Variants in ATP10B observed in about 807,000 individuals in gnomAD.
The protein encoded by ATP10B is ATPase phospholipid transporting 10B (putative).
Under a neutral mutation model 141.2 loss-of-function variants are expected in ATP10B, and 122 were observed. The ratio of observed to expected loss-of-function variants is 0.86; its 90% confidence interval spans 0.75 to 1.00. ATP10B has a LOEUF of 1.00. Ranked by LOEUF, ATP10B falls within the 50% of genes least tolerant of loss-of-function variation. The probability of loss-of-function intolerance (pLI) is 0.00; values close to 1 mark genes in which losing one functional copy is unlikely to be tolerated. For synonymous variants in ATP10B, 685 were observed against 692.0 expected (o/e 0.99, Z 0.16); for missense variants, 1,876 against 1,825.3 (o/e 1.03, Z -0.51).
chr5:160,842,539 T>C (rs1775871559), intron 1 of ATP10B, among the ~76,000 whole-genome samples: 1 of 151,554 alleles, frequency 6.6e-6, no homozygotes, highest in Admixed American at 6.6e-5. Context: ...AGCTAACTGA[T>C]AAAACAGAAA....
chr5:160,572,614 T>G (rs1381870244), intron 24 of ATP10B, among the ~76,000 whole-genome samples: 1 of 152,216 alleles, frequency 6.6e-6, no homozygotes, highest in Non-Finnish European at 1.5e-5. Flanking sequence ...ACAGAATCTT[T>G]AGTCTCACCA....
chr5:160,687,669 G>T, intron 5 of ATP10B, 131 bp downstream of exon 5: 1 of 1,073,054 alleles, frequency 9.3e-7, no homozygotes, highest in Admixed American at 2.7e-5. Flanking sequence ...GGAGGCTGAG[G>T]TGGGAGATTC....
At chr5:160,909,016 C>T in the ATP10B span, among the ~76,000 whole-genome samples, 11 of 152,154 alleles carry the variant, frequency 7.2e-5, no homozygotes, top group Middle Eastern at 3.4e-3. Flanking sequence ...GTGCCAGGTA[C>T]GGTGCGAGGC....
At chr5:160,816,752 A>T (rs183931283) in intron 1 of ATP10B, among the ~76,000 whole-genome samples, 63 of 152,360 alleles carry the variant, frequency 4.1e-4, no homozygotes, top group Non-Finnish European at 7.8e-4. Flanking sequence ...AAAAATCCTC[A>T]ATAAAATACT....
At chr5:160,636,368 A>G (rs1472435775) in intron 10 of ATP10B, 59 bp from the exon 11 acceptor site, 2 of 1,564,932 alleles carry the variant, frequency 1.3e-6, no homozygotes, top group East Asian at 2.3e-5. Context: ...AAAGTTGGTC[A>G]ATTATACCAG....
intron 3 of ATP10B, among the ~76,000 whole-genome samples, chr5:160,694,373 TAAAA>T (rs1195790712): frequency 2.0e-5 from 3 of 152,188 alleles, no homozygotes; most frequent in Non-Finnish European, 2.9e-5. Flanking sequence ...CACCTCCCAC[TAAAA>T]ATAACTTGAG....
At position 160,607,087 on chromosome 5, in the gene ATP10B, C is replaced by T; in HGVS notation, c.2839-1G>A. 1 of 1,608,972 alleles carries T rather than the reference C, an allele frequency of 6.2e-7. No individual in the cohort carries two copies. Among genetic ancestry groups the T allele is most frequent in the Admixed American group, 1.7e-5 (1 of 59,702 alleles). On this transcript the variant is annotated splice_acceptor_variant, in intron 18 of 25. Coordinates refer to ENST00000327245, the MANE Select transcript of ATP10B (RefSeq NM_025153.3). LOFTEE classifies it high-confidence loss of function. ...AATTGAGGATGGATTCACAGGTCTC[C>T]TATAAAGAAGCATAATAATACAGTA... is the stretch of plus-strand genomic sequence containing the variant.
intron 22 of ATP10B, among the ~76,000 whole-genome samples, chr5:160,594,175 C>T (rs1348613878): frequency 2.6e-5 from 4 of 152,206 alleles, no homozygotes; most frequent in Non-Finnish European, 5.9e-5. Flanking sequence ...GCCCATCAGA[C>T]TAACAGCTGA....
At chr5:160,889,821 C>T in the ATP10B span, among the ~76,000 whole-genome samples, 1 of 152,276 alleles carries the variant, frequency 6.6e-6, no homozygotes. Flanking sequence ...CCTTTCCTGG[C>T]AGCCTCATCT....
chr5:160,922,622 T>C, the ATP10B span, among the ~76,000 whole-genome samples: 9 of 152,068 alleles, frequency 5.9e-5, no homozygotes, highest in African/African-American at 2.2e-4. Context: ...TACTTAACCT[T>C]CTCCCTTATT....
intron 19 of ATP10B, among the ~76,000 whole-genome samples, chr5:160,604,747 A>G (rs940635045): frequency 2.0e-5 from 3 of 152,188 alleles, no homozygotes; most frequent in Non-Finnish European, 2.9e-5. Context: ...GTCTCCTTCT[A>G]TACCAAGACT....
chr5:160,565,489 G>C lies in ATP10B; in HGVS notation c.4350C>G (p.Ser1450Arg). The part of the protein sequence containing the change: ...QTDMCRCSKR[S>R]SHRRSQSSLT... ...GTGAACTCTGGGATCGGCGATGGCT[G>C]CTCCTCTTTGAGCACCGGCACATAT... The change falls in exon 26 of 26, where the codon AGC (serine) becomes AGG (arginine). Residue 1450 changes from serine (S) to arginine (R), a missense_variant. Physicochemically the swap from Ser to Arg is moderately radical, Grantham distance 110. Coordinates refer to ENST00000327245, the MANE Select transcript of ATP10B (RefSeq NM_025153.3). 1.2e-6 allele frequency: 2 copies of C among 1,614,120 alleles called. No homozygotes were observed. The highest frequency in any genetic ancestry group is 2.2e-5 in the East Asian group (1 of 44,878).
chr5:160,855,880 G>T (rs1384160721), upstream of ATP10B, among the ~76,000 whole-genome samples: 1 of 150,570 alleles, frequency 6.6e-6, no homozygotes, highest in Non-Finnish European at 1.5e-5. Flanking sequence ...TTGTAACTTT[G>T]TAAAAAAAAA....
chr5:160,567,849 G>A (rs1047090257), intron 25 of ATP10B, among the ~76,000 whole-genome samples: 3 of 152,178 alleles, frequency 2.0e-5, no homozygotes, highest in Non-Finnish European at 2.9e-5. Flanking sequence ...TAATGGACTA[G>A]AGTAAGATCC....
At chr5:160,835,559 C>A (rs976752278) in intron 1 of ATP10B, among the ~76,000 whole-genome samples, 2 of 152,124 alleles carry the variant, frequency 1.3e-5, no homozygotes, top group Non-Finnish European at 2.9e-5. Context: ...TTCTCTCTCA[C>A]CTCAGGGGTT....
intron 9 of ATP10B, among the ~76,000 whole-genome samples, chr5:160,641,658 A>T (rs1414203461): frequency 1.3e-5 from 2 of 152,202 alleles, no homozygotes; most frequent in African/African-American, 4.8e-5. Context: ...TAAGAGTCAA[A>T]CTGAGACTTT....
intron 6 of ATP10B, among the ~76,000 whole-genome samples, chr5:160,673,184 C>T (rs1762821691): frequency 6.6e-6 from 1 of 152,194 alleles, no homozygotes; most frequent in Admixed American, 6.5e-5. Context: ...GTAATAATTC[C>T]TCCTTACATG....
At chr5:160,661,442 T>A (rs1164633861) in intron 7 of ATP10B, among the ~76,000 whole-genome samples, 1 of 152,214 alleles carries the variant, frequency 6.6e-6, no homozygotes, top group African/African-American at 2.4e-5. Flanking sequence ...GGTATGATAA[T>A]ATAATCATAT....
Position 160,644,181 on chromosome 5 carries a change from G to T in ATP10B, c.825C>A (p.Thr275=). The change falls in exon 9 of 26, where the codon ACC becomes ACA. Residue 275 remains threonine (T), a synonymous_variant. Coordinates refer to ENST00000327245, the MANE Select transcript of ATP10B (RefSeq NM_025153.3). ...GCESLLLRGC[T]IRNTEMAVGI... is the part of the protein sequence containing the mutation. ...CAACAGCCATCTCGGTGTTTCTGATGGTGCAGCCTCGAAGCAGAAGACTCT... is the reference window on the plus strand; with the variant it reads ...CAACAGCCATCTCGGTGTTTCTGATTGTGCAGCCTCGAAGCAGAAGACTCT... 1 of 1,613,884 alleles carries T rather than the reference G, an allele frequency of 6.2e-7. No homozygotes were observed. Among genetic ancestry groups the T allele is most frequent in the East Asian group, 2.2e-5 (1 of 44,860 alleles).
Sources: gnomAD v4.1 joint callset for allele counts (sites outside exome capture counted in the v4.1 genomes callset) on GRCh38, gnomAD v4.1.1 for gene constraint, MANE v1.5 for transcripts, NCBI Gene and HGNC (gene_info 2026-07-23, HGNC 2026-07-21) for gene names.